Variants in OLFML2B observed in about 807,000 individuals in gnomAD.
The protein encoded by OLFML2B is olfactomedin-like protein 2B.
OLFML2B carries 57 observed loss-of-function variants against 74.9 expected under a neutral mutation model. The ratio of observed to expected loss-of-function variants is 0.76; its 90% CI spans 0.61 to 0.95. OLFML2B has a LOEUF of 0.95. OLFML2B is among the 40% of genes least tolerant of loss of function. The pLI, the probability that OLFML2B is intolerant of heterozygous loss-of-function variation, is 0.00. For synonymous variants in OLFML2B, 388 were observed against 405.8 expected (o/e 0.96, Z 0.53); for missense variants, 986 against 970.6 (o/e 1.02, Z -0.21).
In OLFML2B at chr1:162,023,435, G is replaced by T; in HGVS notation, c.-5C>A. 6.4e-7 allele frequency: 1 copy of T among 1,551,524 alleles called. No homozygotes were observed. ...TAGCAGCCGAGGCTTGGCCATGAGG[G>T]GCGCGATAAGAGTGTCCTCAGCCCC... On this transcript the variant is annotated 5_prime_UTR_variant, in exon 1 of 8. Transcript: ENST00000294794.
intron 4 of OLFML2B, among the ~76,000 whole-genome samples, chr1:162,004,249 C>T (rs1180641842): frequency 6.6e-6 from 1 of 152,120 alleles, no homozygotes; most frequent in Non-Finnish European, 1.5e-5. Flanking sequence ...CTTCAAGTTC[C>T]CTTCCAGCCC....
chr1:162,012,082 C>T (rs1180445716), intron 3 of OLFML2B, among the ~76,000 whole-genome samples: 2 of 152,196 alleles, frequency 1.3e-5, no homozygotes, highest in African/African-American at 2.4e-5. Flanking sequence ...CTTCGACCCT[C>T]TGCCTTTTCA....
At chr1:161,998,563 G>T (rs1428194692) in intron 5 of OLFML2B, among the ~76,000 whole-genome samples, 1 of 152,148 alleles carries the variant, frequency 6.6e-6, no homozygotes, top group Non-Finnish European at 1.5e-5. Flanking sequence ...TGAATAGACT[G>T]CAGCCATGCT....
At chr1:162,012,542 A>C (rs1370420269) in intron 3 of OLFML2B, among the ~76,000 whole-genome samples, 2 of 152,184 alleles carry the variant, frequency 1.3e-5, no homozygotes, top group Non-Finnish European at 2.9e-5. Context: ...TATCAGGAGA[A>C]AAGTCTTCAG....
chr1:162,003,541 G>A (rs914395069), intron 4 of OLFML2B, among the ~76,000 whole-genome samples: 2 of 152,076 alleles, frequency 1.3e-5, no homozygotes, highest in Admixed American at 6.5e-5. Context: ...TGCACTGGGC[G>A]GCAGCGGCCC....
chr1:161,984,837 C>G lies in OLFML2B; in HGVS notation c.1618G>C (p.Val540Leu), dbSNP rs1456162935. Reference protein sequence around the residue: ...VTNYYYGNTLVEFRNLENFKQ... With the variant: ...VTNYYYGNTLLEFRNLENFKQ... ...AAGTTCTCCAGGTTCCGGAACTCTACCAGGGTGTTGCCGTAGTAATAGTTG... is the reference window on the plus strand; with the variant it reads ...AAGTTCTCCAGGTTCCGGAACTCTAGCAGGGTGTTGCCGTAGTAATAGTTG... The change falls in exon 7 of 8, where the codon GTA (valine) becomes CTA (leucine). Residue 540 changes from valine (V) to leucine (L), a missense_variant. Val to Leu is a conservative substitution (Grantham distance 32, BLOSUM62 1). Transcript: ENST00000294794. 2.5e-6 allele frequency: 4 copies of G among 1,613,414 alleles called. No homozygotes were observed. The highest frequency in any genetic ancestry group is 1.7e-4 in the Middle Eastern group (1 of 6,058).
intron 6 of OLFML2B, among the ~76,000 whole-genome samples, chr1:161,996,019 C>A (rs754278019): frequency 2.0e-5 from 3 of 152,122 alleles, no homozygotes; most frequent in Non-Finnish European, 4.4e-5. Context: ...CACAGCAGGA[C>A]CCCTGCTTCA....
chr1:162,001,311 A>G (rs527945515), intron 4 of OLFML2B, among the ~76,000 whole-genome samples: 1 of 152,272 alleles, frequency 6.6e-6, no homozygotes, highest in East Asian at 1.9e-4. Flanking sequence ...GGGAGTGGGC[A>G]TGGGACTGAA....
At chr1:162,020,778 G>T (rs533068004) in intron 1 of OLFML2B, among the ~76,000 whole-genome samples, 1 of 152,168 alleles carries the variant, frequency 6.6e-6, no homozygotes, top group Non-Finnish European at 1.5e-5. Context: ...GCCTCCCAAA[G>T]TGCTGGGATT....
At chr1:162,021,285 AC>A in intron 1 of OLFML2B, among the ~76,000 whole-genome samples, 1 of 152,254 alleles carries the variant, frequency 6.6e-6, no homozygotes, top group East Asian at 1.9e-4. Flanking sequence ...AGGAAAGCAA[AC>A]TGGCAGCACT....
intron 1 of OLFML2B, among the ~76,000 whole-genome samples, chr1:162,021,369 G>A (rs1052120962): frequency 1.3e-4 from 20 of 152,320 alleles, no homozygotes; most frequent in Admixed American, 4.6e-4. Context: ...AGGAAAACAC[G>A]CGACAGTAGG....
Position 162,023,599 on chromosome 1 carries a change from ACT to A in OLFML2B, c.-171_-170del, listed in dbSNP as rs969915848. On this transcript the variant is annotated 5_prime_UTR_variant, in exon 1 of 8. It removes the in-frame stop codon of an upstream open reading frame in the 5' UTR. Coordinates refer to ENST00000294794, the MANE Select transcript of OLFML2B (RefSeq NM_015441.3). Reference sequence around the variant, plus strand: ...CGGGACGGGAGGGTGCGCCCCAGAGACTCTGGGCATCTCCTTCCCGACGCGAG... The same window carrying A: ...CGGGACGGGAGGGTGCGCCCCAGAGACTGGGCATCTCCTTCCCGACGCGAG... 5.8e-5 allele frequency: 31 copies of A among 533,350 alleles called. No homozygotes were observed. The highest frequency in any genetic ancestry group is 8.8e-5 in the Non-Finnish European group (29 of 329,976). 33.0% of individuals were successfully genotyped at this position (533,350 alleles called of 1,614,324 possible).
intron 6 of OLFML2B, among the ~76,000 whole-genome samples, chr1:161,990,159 GT>G (rs965129849): frequency 3.9e-5 from 6 of 152,182 alleles, no homozygotes; most frequent in African/African-American, 1.4e-4. Flanking sequence ...AGATGAATTA[GT>G]TTTGTGCAGT....
At chr1:161,997,317 A>C (rs989495770) in intron 6 of OLFML2B, among the ~76,000 whole-genome samples, 1 of 152,108 alleles carries the variant, frequency 6.6e-6, no homozygotes, top group African/African-American at 2.4e-5. Context: ...CACTTGTCAC[A>C]TGGTGCCATG....
intron 2 of OLFML2B, among the ~76,000 whole-genome samples, chr1:162,018,413 A>G (rs893439430): frequency 4.6e-5 from 7 of 152,180 alleles, no homozygotes; most frequent in Admixed American, 3.3e-4. Context: ...ACATGTCAAT[A>G]CCCTGAGGAT....
chr1:161,987,871 C>T (rs1689635343), intron 6 of OLFML2B, among the ~76,000 whole-genome samples: 1 of 152,088 alleles, frequency 6.6e-6, no homozygotes, highest in African/African-American at 2.4e-5. Flanking sequence ...GCGGATGAGC[C>T]CAGGCAGGAC....
intron 6 of OLFML2B, among the ~76,000 whole-genome samples, chr1:161,996,388 A>C (rs1558057104): frequency 1.3e-5 from 2 of 152,234 alleles, no homozygotes; most frequent in African/African-American, 2.4e-5. Flanking sequence ...AAAGTCACAC[A>C]GCTATCAATG....
chr1:162,023,455 A>T lies in OLFML2B; in HGVS notation c.-25T>A. The stretch of plus-strand genomic sequence containing the variant: ...TGAGGGGCGCGATAAGAGTGTCCTC[A>T]GCCCCTTCAGAGAATGGCTGGGGCG... On this transcript the variant is annotated 5_prime_UTR_variant, in exon 1 of 8. Coordinates refer to ENST00000294794, the MANE Select transcript of OLFML2B (RefSeq NM_015441.3). The T allele has an allele frequency of 6.9e-7, 1 of 1,454,664 alleles. No homozygotes were observed. The highest frequency in any genetic ancestry group is 9.1e-7 in the Non-Finnish European group (1 of 1,093,304). The allele number at this position is 1,454,664 out of a possible 1,614,324, so 90.1% of individuals were successfully genotyped here.
intron 6 of OLFML2B, among the ~76,000 whole-genome samples, chr1:161,987,020 T>C (rs920283288): frequency 6.6e-6 from 1 of 152,202 alleles, no homozygotes; most frequent in Non-Finnish European, 1.5e-5. Flanking sequence ...GGGTTCCGTC[T>C]CACACCAAGG....
Sources: allele counts gnomAD v4.1 joint callset (sites outside exome capture counted in the v4.1 genomes callset), GRCh38; gene constraint gnomAD v4.1.1; transcripts MANE v1.5; gene names NCBI Gene and HGNC (gene_info 2026-07-23, HGNC 2026-07-21).